Variants in TOP1 observed in about 807,000 individuals in gnomAD.
TOP1 encodes DNA topoisomerase 1.
TOP1 carries 10 observed loss-of-function variants against 111.1 expected under a neutral mutation model. That is an observed-to-expected ratio of 0.09 (90% CI 0.06 to 0.15). The LOEUF is 0.15. TOP1 is among the 10% of genes least tolerant of loss of function. The probability of loss-of-function intolerance (pLI) is 1.00; values close to 1 mark genes in which losing one functional copy is unlikely to be tolerated. For synonymous variants in TOP1, 271 were observed against 302.9 expected (o/e 0.89, Z 1.10); for missense variants, 474 against 926.7 (o/e 0.51, Z 6.34).
intron 13 of TOP1, among the ~76,000 whole-genome samples, chr20:41,103,078 C>T (rs1245528430): frequency 6.6e-6 from 1 of 152,150 alleles, no homozygotes; most frequent in East Asian, 1.9e-4. Context: ...GTGACAGTTG[C>T]ACAACATTGT....
At chr20:41,120,483 C>G (rs996326965) in intron 18 of TOP1, among the ~76,000 whole-genome samples, 2 of 152,212 alleles carry the variant, frequency 1.3e-5, no homozygotes, top group Non-Finnish European at 2.9e-5. Context: ...TTCTCCTGCC[C>G]TCTGAGTAGC....
At chr20:41,066,508 AG>A (rs1383376094) in intron 3 of TOP1, among the ~76,000 whole-genome samples, 1 of 151,552 alleles carries the variant, frequency 6.6e-6, no homozygotes, top group Non-Finnish European at 1.5e-5. Flanking sequence ...ATCATATTGT[AG>A]GTAAATTCAA....
At chr20:41,035,596 C>T (rs531590355) in intron 2 of TOP1, among the ~76,000 whole-genome samples, 4 of 152,264 alleles carry the variant, frequency 2.6e-5, no homozygotes, top group South Asian at 2.1e-4. Context: ...ATTTTAAGAA[C>T]GAAACCGACC....
At position 41,115,355 on chromosome 20, in the gene TOP1, C is replaced by T; in HGVS notation, c.1639-16C>T. On this transcript the variant is annotated splice_polypyrimidine_tract_variant and intron_variant, in intron 15 of 20. Transcript: ENST00000361337. The surrounding 1 kb of genome is among the most constrained non-coding windows in gnomAD (Gnocchi z 6.3). ...TTTTTCAAGAGTAATAATTAGGATTCACTTATATCTTTTAGGTTTTTAAGA... is the reference window on the plus strand; with the variant it reads ...TTTTTCAAGAGTAATAATTAGGATTTACTTATATCTTTTAGGTTTTTAAGA... 1 of 1,578,612 alleles carries T rather than the reference C, an allele frequency of 6.3e-7. No individual in the cohort carries two copies. The highest frequency in any genetic ancestry group is 1.3e-5 in the African/African-American group (1 of 74,190).
At position 41,123,146 on chromosome 20, in the gene TOP1, C is replaced by A; in HGVS notation, c.2196-49C>A. On this transcript the variant is annotated intron_variant, in intron 20 of 20. Transcript: ENST00000361337. The surrounding 1 kb of genome is among the most constrained non-coding windows in gnomAD (Gnocchi z 5.8). The stretch of plus-strand genomic sequence containing the variant: ...TCTGACCCTGGGCCTCAGATATGGG[C>A]CATTGCTGAGTCACCCTAATCCCCC... The A allele has an allele frequency of 7.7e-7, 1 of 1,294,388 alleles. No individual in the cohort carries two copies. The highest frequency in any genetic ancestry group is 2.3e-5 in the East Asian group (1 of 43,172). 80.2% of individuals were successfully genotyped at this position (1,294,388 alleles called of 1,614,324 possible). A position where few individuals can be genotyped will look rare whatever the true frequency, so the allele number is the denominator to read the frequency against.
chr20:41,072,954 C>G, intron 3 of TOP1: 2 of 985,414 alleles, frequency 2.0e-6, no homozygotes, highest in Non-Finnish European at 2.4e-6. Flanking sequence ...TCATCCCATT[C>G]TGGTTTTTGT....
rs925164342 is a variant in TOP1 at position 41,032,630 on chromosome 20, A to C, written c.58+3175A>C. The stretch of plus-strand genomic sequence containing the variant: ...CCATTTGACCCCCTTAGCAAAGCAC[A>C]ATACTTGGCTCCATCAGTCTTTAGT... On this transcript the variant is annotated intron_variant, in intron 2 of 20. Coordinates refer to ENST00000361337, the MANE Select transcript of TOP1 (RefSeq NM_003286.4). The surrounding 1 kb of genome is among the most constrained non-coding windows in gnomAD (Gnocchi z 4.3). Among the ~76,000 whole-genome samples the C allele has an allele frequency of 6.6e-6, 1 of 152,210 alleles. No homozygotes were observed. The highest frequency in any genetic ancestry group is 2.1e-4 in the South Asian group (1 of 4,834).
At position 41,076,299 on chromosome 20, in the gene TOP1, A is replaced by G. The variant is rs1327544288; in HGVS notation, c.279+5A>G. Reference sequence around the variant, plus strand: ...GAAAAACGAAAAGAGGAAAAGGTACAGAGTTTTCTAGTAGGGGAGGAAGGA... The same window carrying G: ...GAAAAACGAAAAGAGGAAAAGGTACGGAGTTTTCTAGTAGGGGAGGAAGGA... On this transcript the variant is annotated splice_donor_5th_base_variant and intron_variant, in intron 4 of 20. Coordinates refer to ENST00000361337, the MANE Select transcript of TOP1 (RefSeq NM_003286.4). The G allele has an allele frequency of 6.2e-7, 1 of 1,600,694 alleles. No individual in the cohort carries two copies. The highest frequency in any genetic ancestry group is 1.4e-5 in the African/African-American group (1 of 73,948).
chr20:41,044,205 G>A (rs567570723), intron 2 of TOP1, among the ~76,000 whole-genome samples: 2 of 152,338 alleles, frequency 1.3e-5, no homozygotes, highest in East Asian at 3.9e-4. Flanking sequence ...GAACCCTGGA[G>A]GCGGAGGTTG....
chr20:41,088,659 A>G (rs979151784), intron 8 of TOP1, among the ~76,000 whole-genome samples: 1 of 152,022 alleles, frequency 6.6e-6, no homozygotes, highest in Non-Finnish European at 1.5e-5. Flanking sequence ...ACCTACATAT[A>G]TATATATTTT....
In TOP1 at chr20:41,079,457, C is replaced by T. The variant is rs1005677259; in HGVS notation, c.336-628C>T. On this transcript the variant is annotated intron_variant, in intron 5 of 20. Coordinates refer to ENST00000361337, the MANE Select transcript of TOP1 (RefSeq NM_003286.4). This position sits in a 1 kb window ranked among gnomAD's most constrained non-coding sequence, Gnocchi z 4.0. ...TAACAAATAGTAGTGAGACACTCTT[C>T]TGTATATAAAGTAAACCTAAGTTAG... is the stretch of plus-strand genomic sequence containing the variant. Among the ~76,000 whole-genome samples the T allele has an allele frequency of 6.6e-6, 1 of 152,156 alleles. No individual in the cohort carries two copies. Among genetic ancestry groups the T allele is most frequent in the African/African-American group, 2.4e-5 (1 of 41,444 alleles).
Position 41,114,248 on chromosome 20 carries a change from CA to C in TOP1, c.1638+94del. The C allele has an allele frequency of 7.8e-6, 9 of 1,156,190 alleles. No homozygotes were observed. The highest frequency in any genetic ancestry group is 1.1e-5 in the Non-Finnish European group (9 of 800,424). 71.6% of individuals were successfully genotyped at this position (1,156,190 alleles called of 1,614,324 possible). On this transcript the variant is annotated intron_variant, in intron 15 of 20. Transcript: ENST00000361337. This position sits in a 1 kb window ranked among gnomAD's most constrained non-coding sequence, Gnocchi z 4.5. ...TTTGTGTGCTTTGCACTTTGCTGGG[CA>C]CCAGCAAAAGTGACTTGAGACAGGC...
rs1477514002 is a variant in TOP1, at chr20:41,029,027, C to A, written c.-41C>A. On this transcript the variant is annotated 5_prime_UTR_variant, in exon 1 of 21. Coordinates refer to ENST00000361337, the MANE Select transcript of TOP1 (RefSeq NM_003286.4). The surrounding 1 kb of genome is among the most constrained non-coding windows in gnomAD (Gnocchi z 6.1). ...CGGTTCGCCGTCTGCGTCTCCCCCA[C>A]GCCGCCTCGCCTGCCGCCGCGCTCG... 2.6e-6 allele frequency: 4 copies of A among 1,534,630 alleles called. No homozygotes were observed. The highest frequency in any genetic ancestry group is 1.4e-5 in the African/African-American group (1 of 70,922).
intron 2 of TOP1, among the ~76,000 whole-genome samples, chr20:41,037,022 G>A (rs1000168987): frequency 1.4e-4 from 22 of 152,018 alleles, no homozygotes; most frequent in African/African-American, 5.3e-4. Context: ...AGTAGATACA[G>A]GGTTTCACCG....
rs1038918593 is a variant in TOP1 at position 41,029,311 on chromosome 20, C to T, written c.34-120C>T. ...GGCAGGGATGGCTGCCCTCTGTGGC[C>T]ACCCCCGGGTCCCCGTCCTCCCCGG... On this transcript the variant is annotated intron_variant, in intron 1 of 20. Transcript: ENST00000361337. The surrounding 1 kb of genome is among the most constrained non-coding windows in gnomAD (Gnocchi z 6.1). 1 of 948,780 alleles carries T rather than the reference C, an allele frequency of 1.1e-6. No individual in the cohort carries two copies. The highest frequency in any genetic ancestry group is 1.5e-6 in the Non-Finnish European group (1 of 669,844). 58.8% of individuals were successfully genotyped at this position (948,780 alleles called of 1,614,324 possible).
chr20:41,061,019 G>A lies in TOP1; in HGVS notation c.59-375G>A, dbSNP rs1369525978. 1.3e-5 allele frequency among the ~76,000 whole-genome samples: 2 copies of A among 152,078 alleles called. No individual in the cohort carries two copies. Among genetic ancestry groups the A allele is most frequent in the Non-Finnish European group, 2.9e-5 (2 of 68,008 alleles). On this transcript the variant is annotated intron_variant, in intron 2 of 20. Coordinates refer to ENST00000361337, the MANE Select transcript of TOP1 (RefSeq NM_003286.4). The surrounding 1 kb of genome is among the most constrained non-coding windows in gnomAD (Gnocchi z 4.6). ...CATTTAAAAACATCTGTTGAGGTTT[G>A]GATTTTTCAGAAGTTATAACATCTG...
At position 41,115,351 on chromosome 20, in the gene TOP1, G is replaced by A. The variant is rs750232094; in HGVS notation, c.1639-20G>A. The stretch of plus-strand genomic sequence containing the variant: ...GATTTTTTTCAAGAGTAATAATTAG[G>A]ATTCACTTATATCTTTTAGGTTTTT... On this transcript the variant is annotated intron_variant, in intron 15 of 20. Transcript: ENST00000361337. This position sits in a 1 kb window ranked among gnomAD's most constrained non-coding sequence, Gnocchi z 6.3. The A allele has an allele frequency of 1.0e-5, 16 of 1,558,790 alleles. No individual in the cohort carries two copies. The African/African-American group carries it at 2.0e-4, about 20-fold the overall frequency.
chr20:41,072,585 T>C (rs2033680322), intron 3 of TOP1: 2 of 985,316 alleles, frequency 2.0e-6, no homozygotes, highest in Admixed American at 1.2e-4. Context: ...CCTTTGCTAC[T>C]TCCTTCAGGC....
chr20:41,057,410 G>T (rs1215586723), intron 2 of TOP1, among the ~76,000 whole-genome samples: 1 of 151,844 alleles, frequency 6.6e-6, no homozygotes, highest in Non-Finnish European at 1.5e-5. Flanking sequence ...AAAAGTTATT[G>T]GCAGACTGTT....
Sources: gnomAD v4.1 joint callset for allele counts (sites outside exome capture counted in the v4.1 genomes callset) on GRCh38, gnomAD v4.1.1 for gene constraint, Gnocchi (gnomAD v3.1) non-coding constraint, MANE v1.5 for transcripts, NCBI Gene and HGNC (gene_info 2026-07-23, HGNC 2026-07-21) for gene names.